Variants in ITGA1 observed in about 807,000 individuals in gnomAD.
The protein encoded by ITGA1 is integrin subunit alpha 1, also known as integrin alpha-1.
In ITGA1, 85 loss-of-function variants were observed where a neutral mutation model predicts 145.9. The observed-to-expected ratio is 0.58, with a 90% confidence interval of 0.49 to 0.70. The LOEUF is 0.70. Ranked by LOEUF, ITGA1 falls within the 30% of genes least tolerant of loss-of-function variation. The pLI, the probability that ITGA1 is intolerant of heterozygous loss-of-function variation, is 0.00. For synonymous variants in ITGA1, 520 were observed against 495.3 expected (o/e 1.05, Z -0.66); for missense variants, 1,351 against 1,418.7 (o/e 0.95, Z 0.77).
chr5:52,908,961 A>G lies in ITGA1; in HGVS notation c.1519A>G (p.Ile507Val), dbSNP rs1252803912. 3.1e-6 allele frequency: 5 copies of G among 1,613,910 alleles called. No individual in the cohort carries two copies. Among genetic ancestry groups the G allele is most frequent in the Admixed American group, 1.7e-5 (1 of 60,020 alleles). Residue 507 changes from isoleucine (I) to valine (V), a missense_variant, in exon 13 of 29, where the codon ATT (isoleucine) becomes GTT (valine). Transcript: ENST00000282588. ...CATTGACAAGGATTCTAATACTGAC[A>G]TTCTTCTAGTCGGAGCCCCTATGTA... ...TDIDKDSNTD[I>V]LLVGAPMYMG...
chr5:52,915,566 G>T lies in ITGA1; in HGVS notation c.1960G>T (p.Gly654Trp). Residue 654 changes from glycine (G) to tryptophan (W), a missense_variant, in exon 15 of 29, where the codon GGG becomes TGG. Coordinates refer to ENST00000282588, the MANE Select transcript of ITGA1 (RefSeq NM_181501.2). ...NGDGLTDVTI[G>W]GLGGAALFWS... ...TGACGGTCTGACAGATGTGACTATT[G>T]GGGGCCTTGGTGGTGCTGCCCTCTT... 1 of 1,613,932 alleles carries T rather than the reference G, an allele frequency of 6.2e-7. No homozygotes were observed. Among genetic ancestry groups the T allele is most frequent in the Non-Finnish European group, 8.5e-7 (1 of 1,179,944 alleles).
intron 26 of ITGA1, 85 bp from the exon 27 acceptor site, chr5:52,944,858 C>G (rs1751109821): frequency 1.1e-6 from 1 of 904,402 alleles, no homozygotes; most frequent in Admixed American, 2.2e-5. Context: ...AAAATCTTAG[C>G]TTTTATAAAT....
At chr5:52,935,492 A>G (rs1266776382) in intron 23 of ITGA1, among the ~76,000 whole-genome samples, 1 of 152,160 alleles carries the variant, frequency 6.6e-6, no homozygotes, top group East Asian at 1.9e-4. Context: ...GGAGTAAGAA[A>G]CCATAATGCT....
In ITGA1 at chr5:52,927,057, G is replaced by T. The variant is rs562594388; in HGVS notation, c.2614-527G>T. Among the ~76,000 whole-genome samples, 16 of 152,174 alleles carry T rather than the reference G, an allele frequency of 1.1e-4. 1 individual carries two copies. In the South Asian group the frequency reaches 3.3e-3, roughly 32 times the overall value. On this transcript the variant is annotated intron_variant, in intron 19 of 28. Coordinates refer to ENST00000282588, the MANE Select transcript of ITGA1 (RefSeq NM_181501.2). ...ATAATGGCATATCTCATGTTCAATGGCATTTTAAACTGGAAAAAATAGAGT... is the reference window on the plus strand; with the variant it reads ...ATAATGGCATATCTCATGTTCAATGTCATTTTAAACTGGAAAAAATAGAGT...
At chr5:52,846,038 A>G (rs1290398397) in intron 1 of ITGA1, among the ~76,000 whole-genome samples, 1 of 152,124 alleles carries the variant, frequency 6.6e-6, no homozygotes, top group Non-Finnish European at 1.5e-5. Context: ...TCTAGGCTGT[A>G]TATCGCCTAT....
intron 1 of ITGA1, among the ~76,000 whole-genome samples, chr5:52,820,723 A>C (rs186166031): frequency 2.4e-3 from 367 of 152,292 alleles, no homozygotes; most frequent in Admixed American, 6.4e-3. Context: ...ACTGCCGCAG[A>C]AAAACTTTTG....
intron 1 of ITGA1, among the ~76,000 whole-genome samples, chr5:52,793,273 T>A (rs1192498492): frequency 6.6e-6 from 1 of 152,076 alleles, no homozygotes; most frequent in Non-Finnish European, 1.5e-5. Context: ...TTTAATTGAA[T>A]GAATCGCAAA....
At chr5:52,804,081 C>T (rs1444400918) in intron 1 of ITGA1, 1 of 152,020 alleles carries the variant, frequency 6.6e-6, no homozygotes, top group Non-Finnish European at 1.5e-5. Context: ...CTTACTAGAT[C>T]ATAGGTGAAA....
chr5:52,900,977 T>G (rs2111834317), intron 11 of ITGA1, among the ~76,000 whole-genome samples: 1 of 152,270 alleles, frequency 6.6e-6, no homozygotes, highest in South Asian at 2.1e-4. Context: ...AGAATAATGA[T>G]CCCCAAAGAT....
chr5:52,858,016 T>G (rs532147912), intron 2 of ITGA1, among the ~76,000 whole-genome samples: 1 of 152,344 alleles, frequency 6.6e-6, no homozygotes, highest in African/African-American at 2.4e-5. Flanking sequence ...CTAAGACAGC[T>G]TATATCCTAA....
Position 52,910,282 on chromosome 5 carries a change from G to T in ITGA1, c.1720G>T (p.Ala574Ser). The change falls in exon 14 of 29, where the codon GCA becomes TCA. Residue 574 changes from alanine (A) to serine (S), a missense_variant. Transcript: ENST00000282588. ...NEPCGARFGT[A>S]IAAVKDLNLD... ...GCCATGCGGGGCTCGTTTTGGAACT[G>T]CAATTGCTGCTGTAAAAGACCTCAA... The T allele has an allele frequency of 6.2e-7, 1 of 1,613,958 alleles. No homozygotes were observed.
At chr5:52,909,731 G>A (rs1055378976) in intron 13 of ITGA1, among the ~76,000 whole-genome samples, 13 of 147,996 alleles carry the variant, frequency 8.8e-5, no homozygotes, top group Non-Finnish European at 1.5e-5. Flanking sequence ...CCAAGAAAGT[G>A]TATTCTTGAT....
intron 11 of ITGA1, 84 bp from the exon 12 acceptor site, chr5:52,905,679 C>G (rs1328579279): frequency 9.1e-7 from 1 of 1,104,458 alleles, no homozygotes; most frequent in Non-Finnish European, 1.3e-6. Flanking sequence ...AAATGATTAT[C>G]TTGGCCATTT....
chr5:52,799,926 TTAAAA>T (rs529831699), intron 1 of ITGA1: 3 of 168,722 alleles, frequency 1.8e-5, no homozygotes, highest in Non-Finnish European at 3.9e-5. Context: ...AAGTTTGGCA[TTAAAA>T]TAAAGGACTC....
At chr5:52,846,014 G>A (rs371256900) in intron 1 of ITGA1, among the ~76,000 whole-genome samples, 1 of 152,078 alleles carries the variant, frequency 6.6e-6, no homozygotes, top group East Asian at 1.9e-4. Flanking sequence ...AAATCTAGAT[G>A]GTAGAGCTAC....
At chr5:52,801,645 G>C (rs1263225030) in intron 1 of ITGA1, 3 of 1,614,180 alleles carry the variant, frequency 1.9e-6, no homozygotes, top group Non-Finnish European at 2.5e-6. Context: ...TCAGGCATCA[G>C]GATGTAGCCA....
At chr5:52,853,471 C>T (rs1004499235) in intron 2 of ITGA1, among the ~76,000 whole-genome samples, 2 of 152,114 alleles carry the variant, frequency 1.3e-5, no homozygotes, top group Admixed American at 1.3e-4. Flanking sequence ...CTCATGCTTT[C>T]GAATTTCATA....
chr5:52,881,866 A>AT lies in ITGA1; in HGVS notation c.625-4dup. The AT allele has an allele frequency of 6.2e-7, 1 of 1,601,970 alleles. No individual in the cohort carries two copies. Among genetic ancestry groups the AT allele is most frequent in the Non-Finnish European group, 8.5e-7 (1 of 1,174,056 alleles). On this transcript the variant is annotated splice_region_variant and splice_polypyrimidine_tract_variant and intron_variant, in intron 6 of 28. Transcript: ENST00000282588. Reference sequence around the variant, plus strand: ...GACGTATAACTCACAGTGGCTTGGTATTTCAGGTTGGAATTGTACAGTATG... The same window carrying AT: ...GACGTATAACTCACAGTGGCTTGGTATTTTCAGGTTGGAATTGTACAGTATG...
At chr5:52,832,797 G>GTGTGTT (rs1561221794) in intron 1 of ITGA1, among the ~76,000 whole-genome samples, 3 of 147,392 alleles carry the variant, frequency 2.0e-5, no homozygotes, top group African/African-American at 7.6e-5. Flanking sequence ...GTGTGTGTGT[G>GTGTGTT]TGTGTGTGTG....
Sources: gnomAD v4.1 joint callset for allele counts (sites outside exome capture counted in the v4.1 genomes callset) on GRCh38, gnomAD v4.1.1 for gene constraint, MANE v1.5 for transcripts, NCBI Gene and HGNC (gene_info 2026-07-23, HGNC 2026-07-21) for gene names.